Variants in NAALADL2 observed in about 807,000 individuals in gnomAD.
NAALADL2 encodes N-acetylated alpha-linked acidic dipeptidase like 2.
A neutral mutation model predicts 87.2 loss-of-function variants in NAALADL2; 76 were observed. The ratio of observed to expected loss-of-function variants is 0.87; its 90% confidence interval spans 0.72 to 1.05. NAALADL2 has a LOEUF of 1.05. Among genes scored for constraint, NAALADL2 ranks in the 50% least tolerant of loss-of-function variants. The pLI is 0.00. For synonymous variants in NAALADL2, 354 were observed against 331.0 expected (o/e 1.07, Z -0.75); for missense variants, 1,089 against 945.8 (o/e 1.15, Z -1.99).
At chr3:175,423,052 T>TATATATATA (rs1491115866) in intron 5 of NAALADL2, among the ~76,000 whole-genome samples, 30 of 98,420 alleles carry the variant, frequency 3.0e-4, no homozygotes, top group East Asian at 1.4e-3. Context: ...TATATATATA[T>TATATATATA]TTTTTTTTTT....
At chr3:174,527,530 A>AG (rs1720875785) in intron 1 of NAALADL2, among the ~76,000 whole-genome samples, 1 of 152,054 alleles carries the variant, frequency 6.6e-6, no homozygotes, top group African/African-American at 2.4e-5. Flanking sequence ...AAAAAAAAAA[A>AG]AAAAGAAAGT....
chr3:175,119,487 T>C (rs942912897), intron 2 of NAALADL2, among the ~76,000 whole-genome samples: 13 of 150,982 alleles, frequency 8.6e-5, no homozygotes, highest in African/African-American at 2.7e-4. Flanking sequence ...GCAAGGTTAT[T>C]TGAGAAAGAC....
intron 1 of NAALADL2, among the ~76,000 whole-genome samples, chr3:175,063,432 G>A (rs1031041909): frequency 2.0e-5 from 3 of 151,732 alleles, no homozygotes; most frequent in Non-Finnish European, 4.4e-5. Flanking sequence ...TGTAATCTCA[G>A]CACTTTAGGA....
intron 5 of NAALADL2, among the ~76,000 whole-genome samples, chr3:175,345,808 A>G (rs1763097252): frequency 6.6e-6 from 1 of 152,148 alleles, no homozygotes; most frequent in Non-Finnish European, 1.5e-5. Flanking sequence ...ACACAAGGGA[A>G]ATTGCTGTTG....
intron 11 of NAALADL2, among the ~76,000 whole-genome samples, chr3:175,663,577 T>G (rs1449545412): frequency 6.6e-6 from 1 of 151,916 alleles, no homozygotes; most frequent in Non-Finnish European, 1.5e-5. Context: ...TCTTTATTGT[T>G]TATTTATTTC....
At chr3:174,950,729 G>A (rs572557801) in intron 1 of NAALADL2, among the ~76,000 whole-genome samples, 28 of 152,134 alleles carry the variant, frequency 1.8e-4, no homozygotes, top group African/African-American at 6.3e-4. Flanking sequence ...TAAAAGGCTA[G>A]TCAAACAATT....
intron 4 of NAALADL2, among the ~76,000 whole-genome samples, chr3:175,284,878 A>G (rs934878768): frequency 2.0e-5 from 3 of 152,068 alleles, no homozygotes; most frequent in Non-Finnish European, 4.4e-5. Flanking sequence ...CAGCATCTTC[A>G]TTCCTGGCTG....
intron 2 of NAALADL2, among the ~76,000 whole-genome samples, chr3:175,142,308 G>A (rs1014318469): frequency 1.3e-5 from 2 of 151,958 alleles, no homozygotes; most frequent in African/African-American, 4.8e-5. Flanking sequence ...TTATAATTAT[G>A]TGGAACCTTT....
intron 2 of NAALADL2, among the ~76,000 whole-genome samples, chr3:175,135,024 CGG>C (rs1728894262): frequency 6.6e-6 from 1 of 152,206 alleles, no homozygotes; most frequent in African/African-American, 2.4e-5. Context: ...CTTTTATTAT[CGG>C]AGATATAGAG....
intron 1 of NAALADL2, among the ~76,000 whole-genome samples, chr3:174,965,211 G>A (rs1742693057): frequency 6.6e-6 from 1 of 152,074 alleles, no homozygotes; most frequent in Non-Finnish European, 1.5e-5. Flanking sequence ...TTCCTCACTG[G>A]CCATTGGCGG....
At position 175,715,929 on chromosome 3, in the gene NAALADL2, T is replaced by C. The variant is rs77875831; in HGVS notation, c.1897-21377T>C. On this transcript the variant is annotated intron_variant, in intron 11 of 13. Transcript: ENST00000454872. ...ATGGACCCTTAAATGTTTGATGATA[T>C]GGAAATTACTATCTTTACAAATCCT... is the stretch of plus-strand genomic sequence containing the variant. 6.3e-3 allele frequency among the ~76,000 whole-genome samples: 949 copies of C among 151,784 alleles called. 15 individuals are homozygous for C. The highest frequency in any genetic ancestry group is 0.021 in the African/African-American group (883 of 41,446).
intron 3 of NAALADL2, among the ~76,000 whole-genome samples, chr3:174,834,566 A>G (rs111294336): frequency 0.02 from 2,987 of 152,128 alleles, 105 homozygotes; most frequent in African/African-American, 0.069. Flanking sequence ...AAATATACAA[A>G]AAGCTACTAG....
chr3:174,693,314 T>G (rs901001364), intron 2 of NAALADL2, among the ~76,000 whole-genome samples: 27 of 152,168 alleles, frequency 1.8e-4, no homozygotes, highest in African/African-American at 6.5e-4. Flanking sequence ...TTCAAATGTT[T>G]TACTTGGTAG....
chr3:175,722,045 A>C (rs1176736221), intron 11 of NAALADL2, among the ~76,000 whole-genome samples: 1 of 152,012 alleles, frequency 6.6e-6, no homozygotes, highest in Non-Finnish European at 1.5e-5. Context: ...ATCAATTTGG[A>C]TTCTATTTCT....
intron 1 of NAALADL2, among the ~76,000 whole-genome samples, chr3:175,093,066 C>G (rs1237072676): frequency 6.6e-6 from 1 of 151,758 alleles, no homozygotes; most frequent in Admixed American, 6.6e-5. Flanking sequence ...ACTACATGTA[C>G]TTTTAACACT....
intron 2 of NAALADL2, among the ~76,000 whole-genome samples, chr3:174,672,922 GGCTTGTAC>G (rs370157340): frequency 0.81 from 122,508 of 151,474 alleles, 49,767 homozygotes; most frequent in East Asian, 0.93. Flanking sequence ...TGTACACAGT[GGCTTGTAC>G]AGTGAAAGGG....
At chr3:174,610,738 C>A (rs981149734) in intron 2 of NAALADL2, among the ~76,000 whole-genome samples, 17 of 82,714 alleles carry the variant, frequency 2.1e-4, no homozygotes, top group Non-Finnish European at 2.7e-4. Context: ...CTAGTTCAAC[C>A]ATTGTGCAAT....
chr3:174,971,428 T>C (rs1206811500), intron 1 of NAALADL2, among the ~76,000 whole-genome samples: 1 of 152,246 alleles, frequency 6.6e-6, no homozygotes, highest in Non-Finnish European at 1.5e-5. Flanking sequence ...TCACCTTTTA[T>C]ATTTGTTTAG....
chr3:175,324,014 T>C (rs1760327875), intron 4 of NAALADL2, among the ~76,000 whole-genome samples, 161 bp from the exon 5 acceptor site: 2 of 77,538 alleles, frequency 2.6e-5, no homozygotes, highest in Admixed American at 1.8e-4. Context: ...CGAGACTCCA[T>C]CTCAAAAAAC....
Sources: allele counts gnomAD v4.1 joint callset (sites outside exome capture counted in the v4.1 genomes callset), GRCh38; gene constraint gnomAD v4.1.1; transcripts MANE v1.5; gene names NCBI Gene and HGNC (gene_info 2026-07-23, HGNC 2026-07-21).